C17orf107: variants seen among roughly 807,000 people sequenced by gnomAD.
The protein encoded by C17orf107 is chromosome 17 open reading frame 107.
In C17orf107, 9 loss-of-function variants were observed where a neutral mutation model predicts 8.9. The ratio of observed to expected loss-of-function variants is 1.02; its 90% CI spans 0.61 to 1.77. The LOEUF (loss-of-function observed/expected upper bound fraction) is 1.77. Among genes scored for constraint, C17orf107 ranks in the 40% most tolerant of loss-of-function variants. The probability of loss-of-function intolerance (pLI) is 0.00; values close to 1 mark genes in which losing one functional copy is unlikely to be tolerated. For missense variants in C17orf107, 281 were observed against 249.0 expected, an observed-to-expected ratio of 1.13 and a Z score of -0.86; for synonymous variants, 139 against 120.3, an observed-to-expected ratio of 1.16 and a Z score of -1.02.
chr17:4,900,308 G>A lies in C17orf107; in HGVS notation c.348G>A (p.Arg116=), dbSNP rs1385919088. The A allele has an allele frequency of 1.3e-6, 2 of 1,545,416 alleles. No individual in the cohort carries two copies. The highest frequency in any genetic ancestry group is 1.7e-6 in the Non-Finnish European group (2 of 1,146,532). ...GCGCGGGCCCAGCCCCAGACGGCAG[G>A]GATCCGGGTGCAGCGCTGAGCCGGG... is the stretch of plus-strand genomic sequence containing the variant. ...DGSAGPAPDG[R]DPGAALSRVA... is the part of the protein sequence containing the mutation. The change falls in exon 3 of 3, where the codon AGG becomes AGA. Residue 116 remains arginine (R), a synonymous_variant. Coordinates refer to ENST00000381365, the MANE Select transcript of C17orf107 (RefSeq NM_001145536.2).
In C17orf107 at chr17:4,902,906, G is replaced by A. The variant is rs536313294; in HGVS notation, c.*2373G>A. ...CTCCTAAACCAATTATGCTGTGCCT[G>A]GGAACGAAATACTGTGTCTAAGTCT... On this transcript the variant is annotated 3_prime_UTR_variant, in exon 3 of 3. Transcript: ENST00000381365. This position sits in a 1 kb window ranked among gnomAD's most constrained non-coding sequence, Gnocchi z 4.0. The A allele has an allele frequency of 4.2e-5, 67 of 1,581,640 alleles. No homozygotes were observed. The African/African-American group carries it at 8.6e-4, about 20-fold the overall frequency.
At position 4,901,811 on chromosome 17, in the gene C17orf107, T is replaced by C. The variant is rs557236895; in HGVS notation, c.*1278T>C. 72 of 1,452,422 alleles carry C rather than the reference T, an allele frequency of 5.0e-5. No individual in the cohort carries two copies. Among genetic ancestry groups the C allele is most frequent in the Non-Finnish European group, 6.2e-5 (65 of 1,044,620 alleles). 90.0% of individuals were successfully genotyped at this position (1,452,422 alleles called of 1,614,324 possible). ...GCGCTGGAGCGTCCCACCCAGTGCC[T>C]ACGCCTGGCTCCGCCTCCAGCGCGA... On this transcript the variant is annotated 3_prime_UTR_variant, in exon 3 of 3. Coordinates refer to ENST00000381365, the MANE Select transcript of C17orf107 (RefSeq NM_001145536.2).
At chr17:4,902,999 C>T, downstream of C17orf107, 1 of 1,614,090 alleles carries the variant, frequency 6.2e-7, no homozygotes, top group Non-Finnish European at 8.5e-7. This position sits in a 1 kb window ranked among gnomAD's most constrained non-coding sequence, Gnocchi z 4.0. Context: ...CCAATTGCCC[C>T]TCTAGCCCCT....
chr17:4,904,821 T>C (rs547993183), downstream of C17orf107, among the ~76,000 whole-genome samples: 11 of 152,336 alleles, frequency 7.2e-5, no homozygotes, highest in Non-Finnish European at 1.5e-4. Flanking sequence ...ACACATCAAA[T>C]AACAGAGTGT....
In C17orf107 at chr17:4,901,835, G is replaced by A. The variant is rs1969996499; in HGVS notation, c.*1302G>A. Reference sequence around the variant, plus strand: ...CTACGCCTGGCTCCGCCTCCAGCGCGAAGCCCCGCCCCGAGGGCGGTGCTT... The same window carrying A: ...CTACGCCTGGCTCCGCCTCCAGCGCAAAGCCCCGCCCCGAGGGCGGTGCTT... On this transcript the variant is annotated 3_prime_UTR_variant, in exon 3 of 3. Transcript: ENST00000381365. 6 of 1,557,744 alleles carry A rather than the reference G, an allele frequency of 3.9e-6. No homozygotes were observed. The African/African-American group carries it at 4.1e-5, about 11-fold the overall frequency.
At position 4,900,521 on chromosome 17, in the gene C17orf107, C is replaced by T. The variant is rs1293974271; in HGVS notation, c.561C>T (p.His187=). 2 of 1,550,674 alleles carry T rather than the reference C, an allele frequency of 1.3e-6. No individual in the cohort carries two copies. The highest frequency in any genetic ancestry group is 1.4e-5 in the African/African-American group (1 of 73,056). ...CCGGAGAACCGGTGAGCTCAGGACA[C>T]GGGGTGAGTTAGGGGCCAGAGGCGG... ...GIPGEPVSSG[H]GVS The change falls in exon 3 of 3, where the codon CAC becomes CAT. Residue 187 remains histidine (H), a synonymous_variant. Coordinates refer to ENST00000381365, the MANE Select transcript of C17orf107 (RefSeq NM_001145536.2).
In C17orf107 at chr17:4,901,070, A is replaced by G; in HGVS notation, c.*537A>G. On this transcript the variant is annotated 3_prime_UTR_variant, in exon 3 of 3. Coordinates refer to ENST00000381365, the MANE Select transcript of C17orf107 (RefSeq NM_001145536.2). ...CACGATGATGTTAATGACGTAGAAG[A>G]GCGGCTTCCGGCGGATGATGAGCGA... The G allele has an allele frequency of 1.2e-6, 2 of 1,613,924 alleles. No individual in the cohort carries two copies. Among genetic ancestry groups the G allele is most frequent in the Non-Finnish European group, 1.7e-6 (2 of 1,179,964 alleles).
rs1244289749 is a variant in C17orf107 at position 4,900,777 on chromosome 17, G to GC, written c.*244_*245insC. Reference sequence around the variant, plus strand: ...CCTTCACACTGGCCACACCCCCGCGGGGGCTCCGGCTTCACCTGCCCAGGA... The same window carrying GC: ...CCTTCACACTGGCCACACCCCCGCGGCGGGCTCCGGCTTCACCTGCCCAGGA... On this transcript the variant is annotated 3_prime_UTR_variant, in exon 3 of 3. Transcript: ENST00000381365. 1.9e-6 allele frequency: 3 copies of GC among 1,609,514 alleles called. No individual in the cohort carries two copies. The highest frequency in any genetic ancestry group is 2.5e-6 in the Non-Finnish European group (3 of 1,177,560).
At position 4,901,115 on chromosome 17, in the gene C17orf107, C is replaced by T. The variant is rs1969970252; in HGVS notation, c.*582C>T. 6.2e-7 allele frequency: 1 copy of T among 1,613,168 alleles called. No homozygotes were observed. Among genetic ancestry groups the T allele is most frequent in the Non-Finnish European group, 8.5e-7 (1 of 1,179,926 alleles). On this transcript the variant is annotated 3_prime_UTR_variant, in exon 3 of 3. Coordinates refer to ENST00000381365, the MANE Select transcript of C17orf107 (RefSeq NM_001145536.2). ...GAGCGAGTAGATGACGTCAGTCTCC[C>T]CTGGGCCGTCGGTGGCGCCACCGTG... is the stretch of plus-strand genomic sequence containing the variant.
chr17:4,903,089 T>A, downstream of C17orf107: 1 of 1,613,736 alleles, frequency 6.2e-7, no homozygotes, highest in South Asian at 1.1e-5. Flanking sequence ...TCAGGGTTAT[T>A]CTGAGCTCTG....
rs557691162 is a variant in C17orf107, at chr17:4,901,766, T to A, written c.*1233T>A. 1 of 1,239,908 alleles carries A rather than the reference T, an allele frequency of 8.1e-7. No homozygotes were observed. Among genetic ancestry groups the A allele is most frequent in the Non-Finnish European group, 1.2e-6 (1 of 860,462 alleles). 76.8% of individuals were successfully genotyped at this position (1,239,908 alleles called of 1,614,324 possible). A position where few individuals can be genotyped will look rare whatever the true frequency, so the allele number is the denominator to read the frequency against. On this transcript the variant is annotated 3_prime_UTR_variant, in exon 3 of 3. Transcript: ENST00000381365. Reference sequence around the variant, plus strand: ...CCAAGCCCAGCCCGCACGCCTCTGTTCCCATCTGTACCTCCGGCCGCGCTG... The same window carrying A: ...CCAAGCCCAGCCCGCACGCCTCTGTACCCATCTGTACCTCCGGCCGCGCTG...
downstream of C17orf107, among the ~76,000 whole-genome samples, chr17:4,905,992 GCT>G (rs1424243472): frequency 6.6e-6 from 1 of 152,188 alleles, no homozygotes; most frequent in Non-Finnish European, 1.5e-5. Context: ...CGCTCTGTCC[GCT>G]CTCTGCTCCT....
chr17:4,902,299 T>C lies in C17orf107; in HGVS notation c.*1766T>C. 1 of 1,614,146 alleles carries C rather than the reference T, an allele frequency of 6.2e-7. No individual in the cohort carries two copies. Among genetic ancestry groups the C allele is most frequent in the Non-Finnish European group, 8.5e-7 (1 of 1,180,002 alleles). ...TCTATACCCCCAAAGTCGTCCTTGCTGTAGTTGAGTCGGTAATCCTGCCAA... is the reference window on the plus strand; with the variant it reads ...TCTATACCCCCAAAGTCGTCCTTGCCGTAGTTGAGTCGGTAATCCTGCCAA... On this transcript the variant is annotated 3_prime_UTR_variant, in exon 3 of 3. Coordinates refer to ENST00000381365, the MANE Select transcript of C17orf107 (RefSeq NM_001145536.2). This position sits in a 1 kb window ranked among gnomAD's most constrained non-coding sequence, Gnocchi z 4.0.
At position 4,900,997 on chromosome 17, in the gene C17orf107, CG is replaced by C. The variant is rs756675414; in HGVS notation, c.*466del. ...TTCGGGGCCACTGCTTACCCTGCGC[CG>C]GCAGGAAGTAGGCGAGCAGCACCAG... is the stretch of plus-strand genomic sequence containing the variant. On this transcript the variant is annotated 3_prime_UTR_variant, in exon 3 of 3. Transcript: ENST00000381365. 38 of 1,613,824 alleles carry C rather than the reference CG, an allele frequency of 2.4e-5. No individual in the cohort carries two copies. The highest frequency in any genetic ancestry group is 3.0e-5 in the Non-Finnish European group (35 of 1,179,890).
In C17orf107 at chr17:4,901,094, G is replaced by T. The variant is rs1190161718; in HGVS notation, c.*561G>T. 1 of 1,613,622 alleles carries T rather than the reference G, an allele frequency of 6.2e-7. No homozygotes were observed. Among genetic ancestry groups the T allele is most frequent in the Non-Finnish European group, 8.5e-7 (1 of 1,179,976 alleles). ...GAGCGGCTTCCGGCGGATGATGAGC[G>T]AGTAGATGACGTCAGTCTCCCCTGG... On this transcript the variant is annotated 3_prime_UTR_variant, in exon 3 of 3. Transcript: ENST00000381365.
At chr17:4,905,980 G>T (rs944788390), downstream of C17orf107, among the ~76,000 whole-genome samples, 2 of 152,194 alleles carry the variant, frequency 1.3e-5, no homozygotes, top group Non-Finnish European at 2.9e-5. Flanking sequence ...ATCTGTCTCT[G>T]CCGCTCTGTC....
downstream of C17orf107, chr17:4,903,048 G>C (rs746521766): frequency 6.2e-7 from 1 of 1,614,044 alleles, no homozygotes; most frequent in Non-Finnish European, 8.5e-7. Flanking sequence ...AGGACCCCAA[G>C]CGGAGCCCTT....
In C17orf107 at chr17:4,901,887, C is replaced by CCA; in HGVS notation, c.*1355_*1356insAC. 6.3e-7 allele frequency: 1 copy of CCA among 1,593,444 alleles called. No individual in the cohort carries two copies. Among genetic ancestry groups the CCA allele is most frequent in the Non-Finnish European group, 8.6e-7 (1 of 1,163,680 alleles). On this transcript the variant is annotated 3_prime_UTR_variant, in exon 3 of 3. Transcript: ENST00000381365. ...CCGGTTGGCCCCGCCCCATAAGGCC[C>CCA]CCCCCCAACAATAATCGTCCGGGCC...
Position 4,901,882 on chromosome 17 carries a change from A to AGG in C17orf107, c.*1350_*1351dup. The AGG allele has an allele frequency of 6.7e-7, 1 of 1,484,010 alleles. No homozygotes were observed. The highest frequency in any genetic ancestry group is 9.3e-7 in the Non-Finnish European group (1 of 1,072,802). The allele number at this position is 1,484,010 out of a possible 1,614,324, so 91.9% of individuals were successfully genotyped here. A position where few individuals can be genotyped will look rare whatever the true frequency, so the allele number is the denominator to read the frequency against. ...GCTTCCCGGTTGGCCCCGCCCCATA[A>AGG]GGCCCCCCCCCAACAATAATCGTCC... On this transcript the variant is annotated 3_prime_UTR_variant, in exon 3 of 3. Coordinates refer to ENST00000381365, the MANE Select transcript of C17orf107 (RefSeq NM_001145536.2).
Sources: allele counts gnomAD v4.1 joint callset (sites outside exome capture counted in the v4.1 genomes callset), GRCh38; gene constraint gnomAD v4.1.1; non-coding constraint Gnocchi (gnomAD v3.1); transcripts MANE v1.5; gene names NCBI Gene and HGNC (gene_info 2026-07-23, HGNC 2026-07-21).